ST8SIA6: variants seen among roughly 807,000 people sequenced by gnomAD.
The protein encoded by ST8SIA6 is ST8 alpha-N-acetyl-neuraminide alpha-2,8-sialyltransferase 6.
In ST8SIA6, 39 loss-of-function variants were observed where a neutral mutation model predicts 33.6. The observed-to-expected ratio is 1.16, with a 90% CI of 0.90 to 1.52. The LOEUF is 1.52. Among genes scored for constraint, ST8SIA6 ranks in the 40% most tolerant of loss-of-function variants. The probability of loss-of-function intolerance (pLI) is 0.00; values close to 1 mark genes in which losing one functional copy is unlikely to be tolerated. For missense variants in ST8SIA6, 441 were observed against 443.8 expected (o/e 0.99, Z 0.06); for synonymous variants, 172 against 167.2 (o/e 1.03, Z -0.22).
intron 2 of ST8SIA6, among the ~76,000 whole-genome samples, chr10:17,391,701 A>C (rs1177862702): frequency 6.6e-6 from 1 of 152,178 alleles, no homozygotes; most frequent in Non-Finnish European, 1.5e-5. Flanking sequence ...TATTTGTTTT[A>C]TAAACTTTGA....
chr10:17,358,300 T>G (rs10795472), intron 4 of ST8SIA6, among the ~76,000 whole-genome samples: 1 of 151,894 alleles, frequency 6.6e-6, no homozygotes, highest in Non-Finnish European at 1.5e-5. Context: ...CAGCATATTC[T>G]GACTAAAGAA....
At chr10:17,421,222 C>T (rs191402663) in intron 2 of ST8SIA6, among the ~76,000 whole-genome samples, 3 of 152,268 alleles carry the variant, frequency 2.0e-5, no homozygotes, top group African/African-American at 7.2e-5. Context: ...GCCATGCCAG[C>T]CTCAAGCCCC....
At chr10:17,452,150 A>G (rs1852935766) in intron 2 of ST8SIA6, among the ~76,000 whole-genome samples, 1 of 152,200 alleles carries the variant, frequency 6.6e-6, no homozygotes, top group Non-Finnish European at 1.5e-5. Flanking sequence ...ACCAACCTGA[A>G]TAGAATAAAA....
At chr10:17,377,286 C>G (rs1436863004) in intron 3 of ST8SIA6, among the ~76,000 whole-genome samples, 1 of 152,174 alleles carries the variant, frequency 6.6e-6, no homozygotes, top group Non-Finnish European at 1.5e-5. Context: ...CCCCACCCCT[C>G]TCTCCCTTTG....
chr10:17,407,919 A>G (rs1406990801), intron 2 of ST8SIA6: 3 of 152,596 alleles, frequency 2.0e-5, no homozygotes, highest in African/African-American at 7.2e-5. Flanking sequence ...ACAAAAGTAA[A>G]GTGAGCTCTC....
chr10:17,422,607 C>T (rs1277761754), intron 2 of ST8SIA6, among the ~76,000 whole-genome samples: 1 of 152,184 alleles, frequency 6.6e-6, no homozygotes, highest in Non-Finnish European at 1.5e-5. Flanking sequence ...TGTCAAGGTT[C>T]AAGACACATT....
chr10:17,403,702 C>G (rs1285777058), intron 2 of ST8SIA6: 1 of 152,050 alleles, frequency 6.6e-6, no homozygotes, highest in African/African-American at 2.4e-5. Flanking sequence ...ATCTTGGATA[C>G]GCTAAGTATT....
At chr10:17,338,872 A>G (rs1044184602) in intron 4 of ST8SIA6, among the ~76,000 whole-genome samples, 26 of 152,236 alleles carry the variant, frequency 1.7e-4, no homozygotes, top group African/African-American at 6.0e-4. Flanking sequence ...CCCCAAGGAA[A>G]GAATTGAGAC....
At chr10:17,365,627 T>C (rs1300725325) in intron 3 of ST8SIA6, among the ~76,000 whole-genome samples, 1 of 152,210 alleles carries the variant, frequency 6.6e-6, no homozygotes, top group East Asian at 1.9e-4. Context: ...TTAGTAGCCA[T>C]CTCAGTTATG....
At chr10:17,325,061 A>G (rs1041772406) in intron 6 of ST8SIA6, among the ~76,000 whole-genome samples, 9 of 142,144 alleles carry the variant, frequency 6.3e-5, no homozygotes, top group Middle Eastern at 5.0e-3. Context: ...ATGTATACAT[A>G]TTATACATAT....
At chr10:17,332,923 A>G (rs1360450053) in intron 4 of ST8SIA6, among the ~76,000 whole-genome samples, 1 of 152,030 alleles carries the variant, frequency 6.6e-6, no homozygotes, top group Non-Finnish European at 1.5e-5. Context: ...TTTCTCTTGT[A>G]AATTTGCTTC....
chr10:17,445,805 G>T (rs1194940764), intron 2 of ST8SIA6, among the ~76,000 whole-genome samples: 1 of 152,178 alleles, frequency 6.6e-6, no homozygotes, highest in Non-Finnish European at 1.5e-5. Context: ...ATAGGAAGAG[G>T]GTGGTGGATA....
chr10:17,447,310 G>A (rs1389843605), intron 2 of ST8SIA6, among the ~76,000 whole-genome samples: 2 of 152,088 alleles, frequency 1.3e-5, no homozygotes, highest in African/African-American at 4.8e-5. Flanking sequence ...GGAGGCGGAG[G>A]CAGGAGAATC....
At chr10:17,330,405 C>T (rs1405963921) in intron 5 of ST8SIA6, among the ~76,000 whole-genome samples, 1 of 152,194 alleles carries the variant, frequency 6.6e-6, no homozygotes, top group African/African-American at 2.4e-5. Flanking sequence ...TTTTCAATCA[C>T]TGGTCATTTC....
At chr10:17,363,218 A>C (rs919273861) in intron 3 of ST8SIA6, among the ~76,000 whole-genome samples, 2 of 152,158 alleles carry the variant, frequency 1.3e-5, no homozygotes, top group Non-Finnish European at 2.9e-5. Context: ...GTTAGAGCTC[A>C]ATAGCTCATT....
chr10:17,333,702 TA>T (rs1564405001), intron 4 of ST8SIA6, among the ~76,000 whole-genome samples: 45 of 28,580 alleles, frequency 1.6e-3, no homozygotes, highest in Non-Finnish European at 2.0e-3. Flanking sequence ...TATATATATA[TA>T]TATATATATA....
At chr10:17,372,257 G>T (rs550863155) in intron 3 of ST8SIA6, among the ~76,000 whole-genome samples, 1 of 152,186 alleles carries the variant, frequency 6.6e-6, no homozygotes, top group Non-Finnish European at 1.5e-5. Flanking sequence ...TATCATGGAC[G>T]CTTGTGTAAA....
At chr10:17,355,221 C>T (rs956474410) in intron 4 of ST8SIA6, among the ~76,000 whole-genome samples, 1 of 152,172 alleles carries the variant, frequency 6.6e-6, no homozygotes, top group African/African-American at 2.4e-5. Context: ...CTTCTGTATC[C>T]AGTTGTCTTA....
chr10:17,453,548 C>A lies in ST8SIA6; in HGVS notation c.200+11G>T, dbSNP rs970739870. ...CGAGCCCCAGTCCGCCCGCGCTGGGCGCCGCTGTACCTGTTAGTGGCGCGC... is the reference window on the plus strand; with the variant it reads ...CGAGCCCCAGTCCGCCCGCGCTGGGAGCCGCTGTACCTGTTAGTGGCGCGC... On this transcript the variant is annotated intron_variant, in intron 2 of 7. Coordinates refer to ENST00000377602, the MANE Select transcript of ST8SIA6 (RefSeq NM_001004470.3). 2 of 1,293,856 alleles carry A rather than the reference C, an allele frequency of 1.5e-6. No homozygotes were observed. Among genetic ancestry groups the A allele is most frequent in the Admixed American group, 3.8e-5 (1 of 26,148 alleles). 80.1% of individuals were successfully genotyped at this position (1,293,856 alleles called of 1,614,324 possible).
Sources: gnomAD v4.1 joint callset for allele counts (sites outside exome capture counted in the v4.1 genomes callset) on GRCh38, gnomAD v4.1.1 for gene constraint, MANE v1.5 for transcripts, NCBI Gene and HGNC (gene_info 2026-07-23, HGNC 2026-07-21) for gene names.